The following TMEM65 variants were observed in gnomAD, a reference collection of about 807,000 sequenced individuals.
TMEM65 encodes the protein transmembrane protein 65.
TMEM65 carries 22 observed loss-of-function variants against 25.4 expected under a neutral mutation model. That is an observed-to-expected ratio of 0.86 (90% confidence interval 0.62 to 1.23). The LOEUF (loss-of-function observed/expected upper bound fraction) is 1.23. Among genes scored for constraint, TMEM65 ranks in the 50% most tolerant of loss-of-function variants. The pLI, the probability that TMEM65 is intolerant of heterozygous loss-of-function variation, is 0.00. For synonymous variants in TMEM65, 132 were observed against 126.2 expected, an observed-to-expected ratio of 1.05 and a Z score of -0.31; for missense variants, 262 against 308.2, an observed-to-expected ratio of 0.85 and a Z score of 1.12.
intron 1 of TMEM65, among the ~76,000 whole-genome samples, chr8:124,367,933 T>C (rs1814960972): frequency 6.6e-6 from 1 of 152,260 alleles, no homozygotes; most frequent in African/African-American, 2.4e-5. Context: ...TTATTTGCTA[T>C]ATGTAAAAAC....
At chr8:124,329,384 A>G (rs1023643785) in intron 2 of TMEM65, among the ~76,000 whole-genome samples, 1 of 151,994 alleles carries the variant, frequency 6.6e-6, no homozygotes. Context: ...AAGCTACTTA[A>G]GTACTGAAAA....
chr8:124,332,104 C>A (rs1036289959), intron 1 of TMEM65, among the ~76,000 whole-genome samples: 1 of 151,992 alleles, frequency 6.6e-6, no homozygotes, highest in African/African-American at 2.4e-5. Flanking sequence ...AATTTCACAT[C>A]TGATTAAAAT....
At chr8:124,324,449 T>C (rs1814343414) in intron 3 of TMEM65, among the ~76,000 whole-genome samples, 1 of 151,864 alleles carries the variant, frequency 6.6e-6, no homozygotes, top group Non-Finnish European at 1.5e-5. Context: ...GTTGTAAATA[T>C]ACCCCAAGAA....
rs1318761008 is a variant in TMEM65 at position 124,327,226 on chromosome 8, T to C, written c.417+128A>G. ...ATTAAAATTGAGCTATAGTCTGAGA[T>C]ATAGTAAAAAATATCCTTGTTCATT... On this transcript the variant is annotated intron_variant, in intron 3 of 6. Transcript: ENST00000297632. 4.6e-6 allele frequency: 3 copies of C among 652,794 alleles called. No individual in the cohort carries two copies. In the African/African-American group the frequency reaches 5.7e-5, roughly 12 times the overall value. 40.4% of individuals were successfully genotyped at this position (652,794 alleles called of 1,614,324 possible).
intron 1 of TMEM65, among the ~76,000 whole-genome samples, chr8:124,336,533 A>C (rs1417456937): frequency 6.6e-6 from 1 of 152,026 alleles, no homozygotes; most frequent in Non-Finnish European, 1.5e-5. Flanking sequence ...TAACAATAAG[A>C]TATATGACAA....
intron 1 of TMEM65, chr8:124,351,092 C>G (rs1004840470): frequency 1.0e-6 from 1 of 984,892 alleles, no homozygotes; most frequent in South Asian, 4.7e-5. Flanking sequence ...TTCACAATGG[C>G]AATCTCAGGT....
chr8:124,360,299 G>A (rs145696235), intron 1 of TMEM65, among the ~76,000 whole-genome samples: 7,200 of 151,832 alleles, frequency 0.047, 208 homozygotes, highest in Non-Finnish European at 0.063. Flanking sequence ...GCATGGTGGC[G>A]CGCGCCTGCA....
intron 5 of TMEM65, among the ~76,000 whole-genome samples, chr8:124,321,733 C>T (rs1814306037): frequency 6.6e-6 from 1 of 152,026 alleles, no homozygotes; most frequent in South Asian, 2.1e-4. Flanking sequence ...TCCTGTCTTA[C>T]CCTTGGAGAT....
chr8:124,361,902 T>C (rs1298014233), intron 1 of TMEM65, among the ~76,000 whole-genome samples: 1 of 151,174 alleles, frequency 6.6e-6, no homozygotes, highest in African/African-American at 2.4e-5. Flanking sequence ...TTTTGGAGGG[T>C]TTTTTGAGAT....
intron 5 of TMEM65, among the ~76,000 whole-genome samples, chr8:124,320,405 C>T (rs932289000): frequency 6.6e-6 from 1 of 152,086 alleles, no homozygotes; most frequent in Admixed American, 6.6e-5. Flanking sequence ...TTCTTTACAA[C>T]TTTTAATTTT....
rs188981598 is a variant in TMEM65 at position 124,348,414 on chromosome 8, A to T, written c.305-17622T>A. ...TTCCCTTCTTTTATGCCTATGGAAG[A>T]TAAAGAAAATAATTACTATATACAA... On this transcript the variant is annotated intron_variant, in intron 1 of 6. Coordinates refer to ENST00000297632, the MANE Select transcript of TMEM65 (RefSeq NM_194291.3). Among the ~76,000 whole-genome samples the T allele has an allele frequency of 2.1e-3, 323 of 152,262 alleles. 1 individual carries two copies. Among genetic ancestry groups the T allele is most frequent in the Admixed American group, 3.9e-3 (59 of 15,302 alleles).
intron 1 of TMEM65, among the ~76,000 whole-genome samples, chr8:124,369,848 GT>G (rs1814989282): frequency 6.6e-6 from 1 of 152,146 alleles, no homozygotes; most frequent in African/African-American, 2.4e-5. Context: ...AGCAGCATCT[GT>G]GTCATTTGAT....
At chr8:124,353,162 C>T (rs1586470340) in intron 1 of TMEM65, among the ~76,000 whole-genome samples, 2 of 151,858 alleles carry the variant, frequency 1.3e-5, no homozygotes, top group African/African-American at 4.8e-5. Flanking sequence ...TTGGTTGAGA[C>T]AGGCTTCCAC....
chr8:124,321,630 A>G, intron 5 of TMEM65, among the ~76,000 whole-genome samples: 1 of 152,130 alleles, frequency 6.6e-6, no homozygotes, highest in East Asian at 1.9e-4. Context: ...AAACATGTCT[A>G]GTCAGTATCC....
intron 1 of TMEM65, among the ~76,000 whole-genome samples, chr8:124,332,627 T>C (rs1426031818): frequency 6.6e-6 from 1 of 151,716 alleles, no homozygotes; most frequent in Non-Finnish European, 1.5e-5. Context: ...GAAAGAAATA[T>C]AAAATAAAGG....
intron 1 of TMEM65, among the ~76,000 whole-genome samples, chr8:124,352,110 C>A (rs768704136): frequency 6.6e-6 from 1 of 152,092 alleles, no homozygotes; most frequent in Admixed American, 6.6e-5. Context: ...GTCATGATTA[C>A]GATGTACATA....
intron 5 of TMEM65, among the ~76,000 whole-genome samples, chr8:124,321,046 T>C (rs183837881): frequency 1.3e-5 from 2 of 152,306 alleles, no homozygotes; most frequent in Non-Finnish European, 2.9e-5. Flanking sequence ...ATGACTGTAA[T>C]ATTCTCATTA....
At chr8:124,330,828 G>A (rs768218879) in intron 1 of TMEM65, 36 bp from the exon 2 acceptor site, 9 of 1,551,778 alleles carry the variant, frequency 5.8e-6, no homozygotes, top group South Asian at 4.7e-5. Context: ...GCAAGAATTA[G>A]TTACTACAGC....
rs1019661424 is a variant in TMEM65, at chr8:124,312,635, G to C, written c.*1325C>G. 1 of 151,904 alleles carries C rather than the reference G, an allele frequency of 6.6e-6. No homozygotes were observed. The highest frequency in any genetic ancestry group is 1.5e-5 in the Non-Finnish European group (1 of 67,832). The allele number at this position is 151,904 out of a possible 1,614,324, so 9.4% of individuals were successfully genotyped here. On this transcript the variant is annotated 3_prime_UTR_variant, in exon 7 of 7. Coordinates refer to ENST00000297632, the MANE Select transcript of TMEM65 (RefSeq NM_194291.3). The stretch of plus-strand genomic sequence containing the variant: ...TTTTAGCATGTGTAACAGACCACAT[G>C]CTAAAAAAGTTTAAGGGTTCAGAAA...
Sources: allele counts gnomAD v4.1 joint callset (sites outside exome capture counted in the v4.1 genomes callset), GRCh38; gene constraint gnomAD v4.1.1; transcripts MANE v1.5; gene names NCBI Gene and HGNC (gene_info 2026-07-23, HGNC 2026-07-21).